SLC9A9: variants seen among roughly 807,000 people sequenced by gnomAD.
SLC9A9 encodes solute carrier family 9 member A9, also known as sodium/hydrogen exchanger 9.
Under a neutral mutation model 77.8 loss-of-function variants are expected in SLC9A9, and 62 were observed. The ratio of observed to expected loss-of-function variants is 0.80; its 90% CI spans 0.65 to 0.98. The LOEUF is 0.98. Ranked by LOEUF, SLC9A9 falls within the 50% of genes least tolerant of loss-of-function variation. SLC9A9 has a pLI of 0.00. For missense variants in SLC9A9, 775 were observed against 774.9 expected, an observed-to-expected ratio of 1.00 and a Z score of 0.00; for synonymous variants, 320 against 283.5, an observed-to-expected ratio of 1.13 and a Z score of -1.29.
chr3:143,325,672 T>C (rs1164017960), intron 14 of SLC9A9, among the ~76,000 whole-genome samples: 2 of 152,232 alleles, frequency 1.3e-5, no homozygotes, highest in East Asian at 1.9e-4. Context: ...CCACAGGACA[T>C]GTCCACTTGG....
intron 14 of SLC9A9, among the ~76,000 whole-genome samples, chr3:143,322,194 C>T (rs567313515): frequency 2.8e-4 from 42 of 152,120 alleles, no homozygotes; most frequent in African/African-American, 9.9e-4. Flanking sequence ...AATATTTTTC[C>T]GGGCGTGTCT....
chr3:143,327,635 CATCTTCCATCTATGGCCACCT>C (rs972580050), intron 14 of SLC9A9, among the ~76,000 whole-genome samples: 8 of 152,200 alleles, frequency 5.3e-5, no homozygotes, highest in African/African-American at 1.9e-4. Context: ...CTTCCTCAAA[CATCTTCCATCTATGGCCACCT>C]ACTGGAGATA....
At position 143,795,172 on chromosome 3, in the gene SLC9A9, C is replaced by A. The variant is rs1199490374; in HGVS notation, c.457-95G>T. On this transcript the variant is annotated intron_variant, in intron 3 of 15. Coordinates refer to ENST00000316549, the MANE Select transcript of SLC9A9 (RefSeq NM_173653.4). Reference sequence around the variant, plus strand: ...AAATGTATGCAGTTCACAGACCCCTCACTGTTTAGGCAAATTTTGGTTTTG... The same window carrying A: ...AAATGTATGCAGTTCACAGACCCCTAACTGTTTAGGCAAATTTTGGTTTTG... 2.5e-6 allele frequency: 3 copies of A among 1,177,508 alleles called. No individual in the cohort carries two copies. In the East Asian group the frequency reaches 8.6e-5, roughly 34 times the overall value. The allele number at this position is 1,177,508 out of a possible 1,614,324, so 72.9% of individuals were successfully genotyped here. A position where few individuals can be genotyped will look rare whatever the true frequency, so the allele number is the denominator to read the frequency against.
intron 4 of SLC9A9, among the ~76,000 whole-genome samples, chr3:143,699,667 C>T (rs984363078): frequency 2.0e-5 from 3 of 152,162 alleles, no homozygotes; most frequent in East Asian, 1.9e-4. Context: ...CCTATCCCAG[C>T]GAATAGAACT....
chr3:143,528,131 GA>G (rs2036436682), intron 9 of SLC9A9, among the ~76,000 whole-genome samples: 1 of 152,192 alleles, frequency 6.6e-6, no homozygotes, highest in African/African-American at 2.4e-5. Flanking sequence ...TCAATGTAGA[GA>G]AAACTGGATA....
chr3:143,740,423 A>G (rs1406757539), intron 4 of SLC9A9, among the ~76,000 whole-genome samples: 1 of 152,130 alleles, frequency 6.6e-6, no homozygotes, highest in Non-Finnish European at 1.5e-5. Flanking sequence ...GTTACTGTCA[A>G]TTTTCATTAA....
chr3:143,634,664 A>G (rs58204786), intron 6 of SLC9A9, among the ~76,000 whole-genome samples: 47,319 of 152,008 alleles, frequency 0.31, 7,691 homozygotes, highest in African/African-American at 0.4. Context: ...TCACACACAC[A>G]CACATATAGA....
intron 1 of SLC9A9, among the ~76,000 whole-genome samples, chr3:143,843,351 A>C (rs2009753609): frequency 6.6e-6 from 1 of 152,316 alleles, no homozygotes; most frequent in South Asian, 2.1e-4. Flanking sequence ...ATTTTTCAGA[A>C]AAGATAATTT....
At chr3:143,303,354 GT>G (rs2030617989) in intron 14 of SLC9A9, among the ~76,000 whole-genome samples, 1 of 151,626 alleles carries the variant, frequency 6.6e-6, no homozygotes, top group Admixed American at 6.6e-5. Context: ...TTCCAGGTGG[GT>G]TTTTTTCTTT....
At chr3:143,361,077 AAT>A (rs2032741024) in intron 14 of SLC9A9, among the ~76,000 whole-genome samples, 1 of 152,220 alleles carries the variant, frequency 6.6e-6, no homozygotes, top group Non-Finnish European at 1.5e-5. Flanking sequence ...CTGCTCTGCA[AAT>A]TTTGGACTTG....
At chr3:143,819,748 TAGTA>T (rs1236825576) in intron 2 of SLC9A9, among the ~76,000 whole-genome samples, 1 of 152,260 alleles carries the variant, frequency 6.6e-6, no homozygotes, top group Non-Finnish European at 1.5e-5. Context: ...TTAGTCATAA[TAGTA>T]AGTAATTAAA....
chr3:143,555,959 A>T (rs1466448619), intron 8 of SLC9A9, among the ~76,000 whole-genome samples: 1 of 152,256 alleles, frequency 6.6e-6, no homozygotes. Flanking sequence ...ATACACAATC[A>T]TAATTCCATA....
intron 12 of SLC9A9, among the ~76,000 whole-genome samples, chr3:143,449,944 T>C (rs1477383512): frequency 1.1e-5 from 1 of 92,966 alleles, no homozygotes; most frequent in African/African-American, 4.6e-5. Context: ...GTATATATAT[T>C]ATAATATACA....
intron 4 of SLC9A9, among the ~76,000 whole-genome samples, chr3:143,765,117 T>C (rs1307220409): frequency 2.0e-5 from 3 of 150,730 alleles, no homozygotes; most frequent in African/African-American, 4.9e-5. Flanking sequence ...CTCTTTTTCT[T>C]TCTTTCTCTC....
At chr3:143,325,105 C>T (rs1403990381) in intron 14 of SLC9A9, among the ~76,000 whole-genome samples, 1 of 150,542 alleles carries the variant, frequency 6.6e-6, no homozygotes, top group Non-Finnish European at 1.5e-5. Flanking sequence ...ACCTTCCACA[C>T]TTTTCCTTTT....
At chr3:143,272,189 CTCAT>C (rs1209053107) in intron 14 of SLC9A9, among the ~76,000 whole-genome samples, 5 of 152,304 alleles carry the variant, frequency 3.3e-5, no homozygotes, top group African/African-American at 1.2e-4. Context: ...CTTTCACTCA[CTCAT>C]TCATTTGTTC....
chr3:143,569,387 A>G (rs1407093861), intron 8 of SLC9A9, among the ~76,000 whole-genome samples: 3 of 151,960 alleles, frequency 2.0e-5, no homozygotes, highest in African/African-American at 4.8e-5. Context: ...ACATACATAG[A>G]CATTTTAAAT....
intron 4 of SLC9A9, among the ~76,000 whole-genome samples, chr3:143,693,530 T>C (rs909889737): frequency 1.3e-5 from 2 of 152,146 alleles, no homozygotes; most frequent in African/African-American, 2.4e-5. Context: ...TAAAAGGTAA[T>C]GCAACAGTTT....
chr3:143,484,872 G>A (rs1464726892), intron 11 of SLC9A9, among the ~76,000 whole-genome samples: 1 of 152,170 alleles, frequency 6.6e-6, no homozygotes, highest in African/African-American at 2.4e-5. Flanking sequence ...TGTAAAAAGA[G>A]ACCAATAATG....
Sources: gnomAD v4.1 joint callset for allele counts (sites outside exome capture counted in the v4.1 genomes callset) on GRCh38, gnomAD v4.1.1 for gene constraint, MANE v1.5 for transcripts, NCBI Gene and HGNC (gene_info 2026-07-23, HGNC 2026-07-21) for gene names.